The following ENTREP2 variants were observed in gnomAD, a reference collection of about 807,000 sequenced individuals.
ENTREP2 encodes protein ENTREP2.
the ENTREP2 span, among the ~76,000 whole-genome samples, chr15:29,399,394 A>T: frequency 1.3e-5 from 2 of 152,194 alleles, no homozygotes; most frequent in Non-Finnish European, 2.9e-5. Context: ...AGCTAATAAC[A>T]CTAAAAAGGA....
chr15:29,458,972 C>A, the ENTREP2 span, among the ~76,000 whole-genome samples: 1 of 152,146 alleles, frequency 6.6e-6, no homozygotes, highest in Non-Finnish European at 1.5e-5. Flanking sequence ...GGTGCTGATT[C>A]CCACATGTTC....
chr15:29,304,762 C>T, the ENTREP2 span, among the ~76,000 whole-genome samples: 1 of 152,182 alleles, frequency 6.6e-6, no homozygotes, highest in African/African-American at 2.4e-5. Context: ...TCTCTTTCCT[C>T]CCCACTGCTC....
the ENTREP2 span, among the ~76,000 whole-genome samples, chr15:29,408,214 G>A: frequency 6.6e-6 from 1 of 152,292 alleles, no homozygotes; most frequent in East Asian, 1.9e-4. Context: ...ACCAGGCACT[G>A]TTCTAGGCAC....
At chr15:29,140,430 T>C in the ENTREP2 span, among the ~76,000 whole-genome samples, 2 of 152,208 alleles carry the variant, frequency 1.3e-5, no homozygotes, top group South Asian at 4.1e-4. Flanking sequence ...GTCGCCATCC[T>C]GCTACCACAG....
At chr15:29,396,653 C>T in the ENTREP2 span, among the ~76,000 whole-genome samples, 2,093 of 152,198 alleles carry the variant, frequency 0.014, 56 homozygotes, top group African/African-American at 0.049. Context: ...TTGCTTATGC[C>T]TTTGGCATCA....
chr15:29,271,225 CAAAT>C, the ENTREP2 span, among the ~76,000 whole-genome samples: 1 of 152,110 alleles, frequency 6.6e-6, no homozygotes, highest in Admixed American at 6.5e-5. Flanking sequence ...CTATGAAAAA[CAAAT>C]ATATTATCAA....
At chr15:29,593,850 T>C in the ENTREP2 span, among the ~76,000 whole-genome samples, 1 of 152,136 alleles carries the variant, frequency 6.6e-6, no homozygotes, top group Non-Finnish European at 1.5e-5. Flanking sequence ...AGTATCTTGA[T>C]TGTGGTGGTT....
chr15:29,301,591 A>G, the ENTREP2 span, among the ~76,000 whole-genome samples: 1 of 152,168 alleles, frequency 6.6e-6, no homozygotes, highest in East Asian at 1.9e-4. Flanking sequence ...TTGACTAAGG[A>G]GAGGCATGGT....
the ENTREP2 span, among the ~76,000 whole-genome samples, chr15:29,546,326 G>A: frequency 6.6e-6 from 1 of 152,040 alleles, no homozygotes; most frequent in Non-Finnish European, 1.5e-5. Flanking sequence ...CTCCAAAATC[G>A]CCAACAGATA....
At chr15:29,653,624 C>T in the ENTREP2 span, among the ~76,000 whole-genome samples, 1 of 152,268 alleles carries the variant, frequency 6.6e-6, no homozygotes, top group Admixed American at 6.5e-5. Context: ...GAAGAAGGTG[C>T]CTTGCTTCCC....
chr15:29,457,025 G>A, the ENTREP2 span, among the ~76,000 whole-genome samples: 1 of 152,254 alleles, frequency 6.6e-6, no homozygotes, highest in Non-Finnish European at 1.5e-5. Context: ...GAAACTACAG[G>A]TTGTGCACCT....
chr15:29,625,308 T>A, the ENTREP2 span, among the ~76,000 whole-genome samples: 1 of 152,324 alleles, frequency 6.6e-6, no homozygotes, highest in East Asian at 1.9e-4. Context: ...GTTTGGTTAT[T>A]ATGAATAAAA....
chr15:29,508,301 G>C, the ENTREP2 span, among the ~76,000 whole-genome samples: 5 of 152,188 alleles, frequency 3.3e-5, no homozygotes, highest in Admixed American at 2.0e-4. Context: ...TGGATTTACA[G>C]CCGAATTCTA....
At chr15:29,418,257 T>C in the ENTREP2 span, among the ~76,000 whole-genome samples, 1 of 152,226 alleles carries the variant, frequency 6.6e-6, no homozygotes, top group South Asian at 2.1e-4. Context: ...TTTAATGCAA[T>C]ATGCTTTCCT....
chr15:29,300,257 T>TGGAA, the ENTREP2 span, among the ~76,000 whole-genome samples: 1 of 142,946 alleles, frequency 7.0e-6, no homozygotes, highest in Non-Finnish European at 1.5e-5. Flanking sequence ...GATGGATGGA[T>TGGAA]GGACGGATGA....
chr15:29,516,681 T>C, the ENTREP2 span, among the ~76,000 whole-genome samples: 4 of 152,126 alleles, frequency 2.6e-5, no homozygotes, highest in Non-Finnish European at 5.9e-5. Context: ...GAAGCAATTA[T>C]GGTAAAGTGG....
chr15:29,641,613 C>T, the ENTREP2 span, among the ~76,000 whole-genome samples: 57 of 152,050 alleles, frequency 3.7e-4, no homozygotes, highest in African/African-American at 1.3e-3. Flanking sequence ...GGGCAGATCA[C>T]TTGAGGTCAG....
At chr15:29,204,164 G>A in the ENTREP2 span, among the ~76,000 whole-genome samples, 1 of 152,072 alleles carries the variant, frequency 6.6e-6, no homozygotes, top group East Asian at 1.9e-4. Flanking sequence ...CTCAGTGTTC[G>A]GGTCATTGGG....
the ENTREP2 span, among the ~76,000 whole-genome samples, chr15:29,380,945 G>A: frequency 5.4e-5 from 8 of 149,312 alleles, no homozygotes; most frequent in East Asian, 4.1e-4. Flanking sequence ...TCTACCTCCC[G>A]GGTTCAAGCA....
Sources: allele counts gnomAD v4.1 joint callset (sites outside exome capture counted in the v4.1 genomes callset), GRCh38; gene constraint gnomAD v4.1.1; transcripts MANE v1.5; gene names NCBI Gene and HGNC (gene_info 2026-07-23, HGNC 2026-07-21).